ADAMTS17: variants seen among roughly 807,000 people sequenced by gnomAD.
ADAMTS17 encodes the protein A disintegrin and metalloproteinase with thrombospondin motifs 17.
Under a neutral mutation model 141.5 loss-of-function variants are expected in ADAMTS17, and 113 were observed. That is an observed-to-expected ratio of 0.80 (90% CI 0.69 to 0.93). ADAMTS17 has a LOEUF of 0.93. Ranked by LOEUF, ADAMTS17 falls within the 40% of genes least tolerant of loss-of-function variation. The pLI, the probability that ADAMTS17 is intolerant of heterozygous loss-of-function variation, is 0.00. For synonymous variants in ADAMTS17, 768 were observed against 630.6 expected, an observed-to-expected ratio of 1.22 and a Z score of -3.27; for missense variants, 1,659 against 1,517.9, an observed-to-expected ratio of 1.09 and a Z score of -1.54.
intron 3 of ADAMTS17, among the ~76,000 whole-genome samples, chr15:100,327,340 C>G (rs1450036763): frequency 6.6e-6 from 1 of 152,206 alleles, no homozygotes; most frequent in Non-Finnish European, 1.5e-5. Flanking sequence ...AAAATAACCA[C>G]AATGATTTTT....
intron 3 of ADAMTS17, among the ~76,000 whole-genome samples, chr15:100,307,143 G>A (rs2045253010): frequency 6.6e-6 from 1 of 152,188 alleles, no homozygotes; most frequent in Non-Finnish European, 1.5e-5. Context: ...CTTTGCTTCT[G>A]AGGACCACAC....
intron 3 of ADAMTS17, among the ~76,000 whole-genome samples, chr15:100,304,569 C>T (rs757892298): frequency 6.6e-6 from 1 of 152,198 alleles, no homozygotes; most frequent in Non-Finnish European, 1.5e-5. Flanking sequence ...GCAGGGATTA[C>T]TGGATTGGAT....
chr15:100,091,319 A>C (rs1365055663), intron 15 of ADAMTS17, among the ~76,000 whole-genome samples: 1 of 152,204 alleles, frequency 6.6e-6, no homozygotes, highest in African/African-American at 2.4e-5. Flanking sequence ...AGAATTTACA[A>C]GGTAGATTCA....
At chr15:100,113,042 G>A (rs1349610978) in intron 13 of ADAMTS17, among the ~76,000 whole-genome samples, 1 of 152,100 alleles carries the variant, frequency 6.6e-6, no homozygotes, top group African/African-American at 2.4e-5. Context: ...TCCTCTGTGG[G>A]GGACACATGC....
At chr15:100,076,477 C>G (rs2034387780) in intron 15 of ADAMTS17, among the ~76,000 whole-genome samples, 1 of 152,162 alleles carries the variant, frequency 6.6e-6, no homozygotes, top group South Asian at 2.1e-4. Flanking sequence ...TTTTCCTTGT[C>G]CCCTTTATCT....
chr15:100,145,040 C>T (rs543517517), intron 10 of ADAMTS17, among the ~76,000 whole-genome samples: 1 of 152,172 alleles, frequency 6.6e-6, no homozygotes, highest in Non-Finnish European at 1.5e-5. Context: ...ATTCCCTTGG[C>T]AGTGTCCAGC....
At chr15:100,053,189 C>T (rs1284679926) in intron 16 of ADAMTS17, among the ~76,000 whole-genome samples, 3 of 152,204 alleles carry the variant, frequency 2.0e-5, no homozygotes, top group East Asian at 3.9e-4. Flanking sequence ...AGAAGTTAGC[C>T]ATGAGAACTC....
chr15:100,206,901 G>A (rs1289829411), intron 7 of ADAMTS17, among the ~76,000 whole-genome samples: 2 of 152,184 alleles, frequency 1.3e-5, no homozygotes, highest in East Asian at 3.9e-4. Flanking sequence ...AGTTATTAGA[G>A]CAGCCACAGG....
intron 7 of ADAMTS17, among the ~76,000 whole-genome samples, chr15:100,231,078 T>A (rs1242825763): frequency 6.6e-6 from 1 of 152,236 alleles, no homozygotes; most frequent in Non-Finnish European, 1.5e-5. Flanking sequence ...CGCCTGCACA[T>A]CCTGGGAGGA....
intron 16 of ADAMTS17, among the ~76,000 whole-genome samples, chr15:100,052,991 CT>C (rs1286205782): frequency 1.3e-5 from 2 of 152,226 alleles, no homozygotes; most frequent in Non-Finnish European, 2.9e-5. Context: ...GCTAGAAAAT[CT>C]TTTGGGTGTC....
intron 20 of ADAMTS17, among the ~76,000 whole-genome samples, chr15:99,986,973 A>G (rs1341549074): frequency 1.3e-4 from 20 of 152,088 alleles, no homozygotes; most frequent in Non-Finnish European, 7.4e-5. Context: ...CTCATACACG[A>G]CCCTGGTTAG....
intron 3 of ADAMTS17, among the ~76,000 whole-genome samples, chr15:100,310,347 T>A (rs190788473): frequency 6.6e-6 from 1 of 152,334 alleles, no homozygotes; most frequent in African/African-American, 2.4e-5. Flanking sequence ...AGCAGCCACA[T>A]CCCTGGCAGC....
At chr15:100,230,537 T>C (rs1017885376) in intron 7 of ADAMTS17, among the ~76,000 whole-genome samples, 4 of 152,250 alleles carry the variant, frequency 2.6e-5, no homozygotes, top group African/African-American at 9.6e-5. Flanking sequence ...GTCTGCAAAT[T>C]GCAATGGCAT....
chr15:99,975,927 G>A (rs991191070), intron 21 of ADAMTS17, 118 bp downstream of exon 21: 5 of 1,130,480 alleles, frequency 4.4e-6, no homozygotes, highest in Non-Finnish European at 5.0e-6. Context: ...TCAGCCTTAT[G>A]TGACAAGTGA....
intron 13 of ADAMTS17, among the ~76,000 whole-genome samples, chr15:100,113,938 G>A (rs74037381): frequency 0.052 from 7,894 of 152,322 alleles, 401 homozygotes; most frequent in South Asian, 0.14. Context: ...CCTGGGCAAG[G>A]AGGACTGAAC....
intron 15 of ADAMTS17, among the ~76,000 whole-genome samples, chr15:100,088,668 C>T (rs1383853220): frequency 1.3e-5 from 2 of 151,860 alleles, no homozygotes; most frequent in African/African-American, 2.4e-5. Context: ...CAGAACAGAG[C>T]CCTCAGAAAT....
chr15:100,162,771 CATAT>C (rs202173434), intron 8 of ADAMTS17, among the ~76,000 whole-genome samples: 5 of 144,300 alleles, frequency 3.5e-5, no homozygotes, highest in Admixed American at 7.0e-5. Context: ...CACATATACA[CATAT>C]ATATACATAT....
At chr15:100,044,379 C>T (rs1203963937) in intron 18 of ADAMTS17, among the ~76,000 whole-genome samples, 1 of 152,080 alleles carries the variant, frequency 6.6e-6, no homozygotes, top group Non-Finnish European at 1.5e-5. Context: ...ATTTTCTAGA[C>T]TGAATAATGT....
At chr15:100,035,272 TAGA>T (rs776369100) in intron 18 of ADAMTS17, among the ~76,000 whole-genome samples, 33 of 152,228 alleles carry the variant, frequency 2.2e-4, no homozygotes, top group Non-Finnish European at 2.8e-4. Context: ...GAGGTCTTTC[TAGA>T]AGGTCTCAAA....
Sources: allele counts gnomAD v4.1 joint callset (sites outside exome capture counted in the v4.1 genomes callset), GRCh38; gene constraint gnomAD v4.1.1; transcripts MANE v1.5; gene names NCBI Gene and HGNC (gene_info 2026-07-23, HGNC 2026-07-21).